SCN8A: variants seen among roughly 807,000 people sequenced by gnomAD.
SCN8A encodes the protein sodium channel protein type 8 subunit alpha.
Under a neutral mutation model 184.1 loss-of-function variants are expected in SCN8A, and 30 were observed. That is an observed-to-expected ratio of 0.16 (90% CI 0.12 to 0.22). The LOEUF is 0.22. Among genes scored for constraint, SCN8A ranks in the 10% least tolerant of loss-of-function variants. SCN8A has a pLI of 1.00. For missense variants in SCN8A, 1,057 were observed against 2,498.9 expected (o/e 0.42, Z 12.30); for synonymous variants, 852 against 907.0 (o/e 0.94, Z 1.09).
chr12:51,712,488 C>A, intron 11 of SCN8A: 1 of 769,458 alleles, frequency 1.3e-6, no homozygotes, highest in South Asian at 1.3e-5. Context: ...CTATATCCAC[C>A]ACTTCCACCA....
At chr12:51,646,081 C>CCAGGAACACATT (rs1940583760) in intron 1 of SCN8A, among the ~76,000 whole-genome samples, 1 of 150,600 alleles carries the variant, frequency 6.6e-6, no homozygotes, top group Middle Eastern at 3.3e-3. Flanking sequence ...ATGGTGGCCC[C>CCAGGAACACATT]CAGGAACACA....
rs182897511 is a variant in SCN8A, at chr12:51,748,080, A to G, written c.2131+2045A>G. 1.5e-3 allele frequency among the ~76,000 whole-genome samples: 222 copies of G among 152,296 alleles called. 1 individual carries two copies. Among genetic ancestry groups the G allele is most frequent in the Admixed American group, 0.013 (199 of 15,296 alleles). On this transcript the variant is annotated intron_variant, in intron 13 of 26. Coordinates refer to ENST00000627620, the MANE Select transcript of SCN8A (RefSeq NM_001330260.2). Reference sequence around the variant, plus strand: ...GAAGCTGATGGGACAGAACTGCTATAAGCAAAGAGCAATGAATGGCTGACC... The same window carrying G: ...GAAGCTGATGGGACAGAACTGCTATGAGCAAAGAGCAATGAATGGCTGACC...
At position 51,745,969 on chromosome 12, in the gene SCN8A, G is replaced by A. The variant is rs1942505145; in HGVS notation, c.2065G>A (p.Ala689Thr). Reference protein sequence around the residue: ...GSLLVSMDQLASYGRKDRINS... With the variant: ...GSLLVSMDQLTSYGRKDRINS... ...TCTTTTAGTTTCCATGGACCAATTA[G>A]CCTCCTACGGGCGGAAGGACAGAAT... The change falls in exon 13 of 27, where the codon GCC becomes ACC. Residue 689 changes from alanine (A) to threonine (T), a missense_variant. This residue lies in a region of SCN8A where 322 missense variants were observed against 390.1 expected (regional missense o/e 0.83). Transcript: ENST00000627620. The A allele has an allele frequency of 6.2e-7, 1 of 1,611,436 alleles. No individual in the cohort carries two copies. Among genetic ancestry groups the A allele is most frequent in the East Asian group, 2.2e-5 (1 of 44,808 alleles).
At chr12:51,730,742 GAATTA>G (rs1942227558) in intron 12 of SCN8A, among the ~76,000 whole-genome samples, 1 of 152,158 alleles carries the variant, frequency 6.6e-6, no homozygotes, top group Admixed American at 6.5e-5. Flanking sequence ...TTCAAATGTA[GAATTA>G]AATTATTTTC....
rs1234756807 is a variant in SCN8A, at chr12:51,705,422, A to G, written c.1140A>G (p.Leu380=). ...AATGGCCTTTGTCTTTGCAGACTTT[A>G]CGAGCAGCCGGGAAAACATACATGA... is the stretch of plus-strand genomic sequence containing the variant. ...DYWENLYQLT[L]RAAGKTYMIF... Residue 380 remains leucine (L), a synonymous_variant, in exon 10 of 27, where the codon TTA becomes TTG. Transcript: ENST00000627620. 2 of 1,613,734 alleles carry G rather than the reference A, an allele frequency of 1.2e-6. No individual in the cohort carries two copies. Among genetic ancestry groups the G allele is most frequent in the Non-Finnish European group, 1.7e-6 (2 of 1,179,774 alleles).
intron 18 of SCN8A, 106 bp from the exon 19 acceptor site, chr12:51,770,423 G>A (rs1942906971): frequency 8.0e-7 from 1 of 1,244,294 alleles, no homozygotes. Flanking sequence ...TGTCCTCCTG[G>A]CTGTGTGGTG....
rs562575673 is a variant in SCN8A, at chr12:51,615,528, C to T, written c.-55+24169C>T. On this transcript the variant is annotated intron_variant, in intron 1 of 26. Transcript: ENST00000627620. ...TGATCACACCATTGTCTTCCAGCTACGGCAGCAGGGTAAAACCCTGTCTGA... is the reference window on the plus strand; with the variant it reads ...TGATCACACCATTGTCTTCCAGCTATGGCAGCAGGGTAAAACCCTGTCTGA... 5.2e-4 allele frequency among the ~76,000 whole-genome samples: 79 copies of T among 152,018 alleles called. 1 individual carries two copies. The highest frequency in any genetic ancestry group is 6.8e-3 in the Middle Eastern group (2 of 294).
chr12:51,618,175 G>A (rs1170466580), intron 1 of SCN8A, among the ~76,000 whole-genome samples: 1 of 152,072 alleles, frequency 6.6e-6, no homozygotes, highest in Non-Finnish European at 1.5e-5. Flanking sequence ...AACGAAGCAA[G>A]GGAGGCTTTC....
chr12:51,804,299 A>C (rs942338673), intron 26 of SCN8A, among the ~76,000 whole-genome samples: 1 of 151,546 alleles, frequency 6.6e-6, no homozygotes, highest in Non-Finnish European at 1.5e-5. Flanking sequence ...TTACCTGCTG[A>C]TACTGGTTTC....
At chr12:51,786,425 G>T in intron 21 of SCN8A, 117 bp from the exon 22 acceptor site, 1 of 1,140,028 alleles carries the variant, frequency 8.8e-7, no homozygotes. Flanking sequence ...AATTCCAAAG[G>T]GAATGTAATG....
chr12:51,698,016 G>A (rs1941623973), intron 6 of SCN8A, among the ~76,000 whole-genome samples: 3 of 152,094 alleles, frequency 2.0e-5, no homozygotes, highest in African/African-American at 7.2e-5. Flanking sequence ...ACCACACCTG[G>A]CTAATTTTTG....
Position 51,745,918 on chromosome 12 carries a change from G to A in SCN8A, c.2014G>A (p.Glu672Lys). 6.3e-7 allele frequency: 1 copy of A among 1,588,160 alleles called. No individual in the cohort carries two copies. The highest frequency in any genetic ancestry group is 8.5e-7 in the Non-Finnish European group (1 of 1,171,654). Reference sequence around the variant, plus strand: ...TTTTTTAAAGGCTACAACTGAGGTGGAAATTAAGAAGAAAGGCCCTGGATC... The same window carrying A: ...TTTTTTAAAGGCTACAACTGAGGTGAAAATTAAGAAGAAAGGCCCTGGATC... ...RLLPEATTEV[E>K]IKKKGPGSLL... Residue 672 changes from glutamate to lysine, a missense_variant, in exon 13 of 27, where the codon GAA becomes AAA. By Grantham distance (56) the Glu-to-Lys change is moderately conservative. Transcript: ENST00000627620.
intron 1 of SCN8A, among the ~76,000 whole-genome samples, chr12:51,599,049 T>C (rs1306345911): frequency 6.6e-6 from 1 of 152,208 alleles, no homozygotes; most frequent in African/African-American, 2.4e-5. Flanking sequence ...CCTTATAGAA[T>C]TACCTGTTAA....
chr12:51,705,268 A>G (rs1297923408), intron 9 of SCN8A, 149 bp from the exon 10 acceptor site: 1 of 628,036 alleles, frequency 1.6e-6, no homozygotes, highest in African/African-American at 1.8e-5. Context: ...GGGAGTACCA[A>G]GTGCCCACAA....
chr12:51,691,587 C>T (rs975381268), intron 6 of SCN8A, among the ~76,000 whole-genome samples: 39 of 152,282 alleles, frequency 2.6e-4, no homozygotes, highest in African/African-American at 8.9e-4. Flanking sequence ...ATTTAGACAT[C>T]AGCTTCACAG....
chr12:51,669,975 GCTTT>G (rs903363881), intron 2 of SCN8A, among the ~76,000 whole-genome samples: 32 of 152,258 alleles, frequency 2.1e-4, no homozygotes, highest in Non-Finnish European at 3.1e-4. Flanking sequence ...CCTAAATGCT[GCTTT>G]CTGTTTTAAA....
intron 7 of SCN8A, among the ~76,000 whole-genome samples, 191 bp downstream of exon 7, chr12:51,699,982 C>T (rs768023516): frequency 1.3e-4 from 19 of 151,996 alleles, no homozygotes; most frequent in Non-Finnish European, 2.2e-4. Flanking sequence ...GCCTGACCAA[C>T]ATGGAGAAAC....
chr12:51,737,494 A>G (rs1942346460), intron 12 of SCN8A, among the ~76,000 whole-genome samples: 1 of 152,192 alleles, frequency 6.6e-6, no homozygotes, highest in South Asian at 2.1e-4. Context: ...TACTCATGGC[A>G]TAGGTAGGAA....
At chr12:51,645,620 C>T (rs1217879999) in intron 1 of SCN8A, among the ~76,000 whole-genome samples, 1 of 152,208 alleles carries the variant, frequency 6.6e-6, no homozygotes, top group Non-Finnish European at 1.5e-5. Flanking sequence ...AAGAAAAATT[C>T]TGCCTTGGGA....
Sources: allele counts gnomAD v4.1 joint callset (sites outside exome capture counted in the v4.1 genomes callset), GRCh38; gene constraint gnomAD v4.1.1; regional missense constraint gnomAD v4.1.1; transcripts MANE v1.5; gene names NCBI Gene and HGNC (gene_info 2026-07-23, HGNC 2026-07-21).